The following ST3GAL3 variants were observed in gnomAD, a reference collection of about 807,000 sequenced individuals.
The protein encoded by ST3GAL3 is CMP-N-acetylneuraminate-beta-1,4-galactoside alpha-2,3-sialyltransferase.
In ST3GAL3, 21 loss-of-function variants were observed where a neutral mutation model predicts 50.1. The observed-to-expected ratio is 0.42, with a 90% CI of 0.30 to 0.60. ST3GAL3 has a LOEUF of 0.60. Among genes scored for constraint, ST3GAL3 ranks in the 20% least tolerant of loss-of-function variants. The pLI is 0.19. For missense variants in ST3GAL3, 353 were observed against 489.4 expected, an observed-to-expected ratio of 0.72 and a Z score of 2.63; for synonymous variants, 183 against 190.0, an observed-to-expected ratio of 0.96 and a Z score of 0.30.
At chr1:43,832,915 T>A (rs1020297246) in intron 4 of ST3GAL3, among the ~76,000 whole-genome samples, 1 of 152,180 alleles carries the variant, frequency 6.6e-6, no homozygotes, top group Admixed American at 6.5e-5. Context: ...GAGAGGCTCA[T>A]CTGCACGCTC....
Position 43,794,353 on chromosome 1 carries a change from C to T in ST3GAL3, c.166+2204C>T, listed in dbSNP as rs147349268. On this transcript the variant is annotated intron_variant, in intron 3 of 11. Coordinates refer to ENST00000347631, the MANE Select transcript of ST3GAL3 (RefSeq NM_006279.5). ...ACTCAGCAAAATGCAAATTAGAATC[C>T]CAATGAGATATCAATACACATCTAC... Among the ~76,000 whole-genome samples the T allele has an allele frequency of 1.2e-4, 18 of 152,170 alleles. No homozygotes were observed. The East Asian group carries it at 3.5e-3, about 29-fold the overall frequency.
intron 5 of ST3GAL3, chr1:43,839,770 A>G (rs2065044340): frequency 6.6e-6 from 1 of 152,230 alleles, no homozygotes; most frequent in East Asian, 1.9e-4. Context: ...ACTTCTAGGA[A>G]GGCCTCAGGA....
intron 2 of ST3GAL3, among the ~76,000 whole-genome samples, chr1:43,754,483 C>T (rs1180457877): frequency 1.3e-5 from 2 of 152,134 alleles, no homozygotes; most frequent in South Asian, 2.1e-4. Context: ...TGAGCCACCA[C>T]GCCAGCATCA....
chr1:43,733,038 G>A (rs905992282), intron 1 of ST3GAL3, among the ~76,000 whole-genome samples: 2 of 150,638 alleles, frequency 1.3e-5, no homozygotes, highest in African/African-American at 4.9e-5. Context: ...ATGTGCAGTA[G>A]CATGATCATA....
chr1:43,850,812 G>A (rs1054754824), intron 5 of ST3GAL3: 1 of 1,023,544 alleles, frequency 9.8e-7, no homozygotes, highest in Admixed American at 1.7e-5. Context: ...CAGGGCCACA[G>A]CAACCCCAGC....
chr1:43,761,269 A>G (rs1207817135), intron 2 of ST3GAL3, among the ~76,000 whole-genome samples: 1 of 151,678 alleles, frequency 6.6e-6, no homozygotes, highest in Non-Finnish European at 1.5e-5. Context: ...TTATTTGGCT[A>G]TATATTTCCT....
Position 43,853,684 on chromosome 1 carries a change from G to A in ST3GAL3, c.302+15373G>A, listed in dbSNP as rs541279437. 2.6e-4 allele frequency among the ~76,000 whole-genome samples: 40 copies of A among 152,312 alleles called. 2 individuals are homozygous for A. The South Asian group carries it at 7.9e-3, about 30-fold the overall frequency. On this transcript the variant is annotated intron_variant, in intron 5 of 11. Transcript: ENST00000347631. ...AGGAAAACCACACCTCTCTTGAGAT[G>A]CATTTTGTTTTAGGAAGGCTGGGGT...
In ST3GAL3 at chr1:43,866,955, C is replaced by A. The variant is rs550254672; in HGVS notation, c.303-27428C>A. On this transcript the variant is annotated intron_variant, in intron 5 of 11. Coordinates refer to ENST00000347631, the MANE Select transcript of ST3GAL3 (RefSeq NM_006279.5). ...GACCAGCCTGGCCAAGATGGTGAAA[C>A]CCCGTCTCTACTAAAAATACAAAAA... Among the ~76,000 whole-genome samples the A allele has an allele frequency of 2.6e-4, 40 of 152,262 alleles. 1 individual carries two copies. In the East Asian group the frequency reaches 7.3e-3, roughly 28 times the overall value.
chr1:43,724,972 A>G (rs1210195001), intron 1 of ST3GAL3, among the ~76,000 whole-genome samples: 1 of 152,178 alleles, frequency 6.6e-6, no homozygotes, highest in Non-Finnish European at 1.5e-5. Flanking sequence ...GAGAGAAGTC[A>G]GAAGTCCTCT....
At chr1:43,766,897 T>C (rs1693257710) in intron 2 of ST3GAL3, among the ~76,000 whole-genome samples, 1 of 152,064 alleles carries the variant, frequency 6.6e-6, no homozygotes, top group South Asian at 2.1e-4. Context: ...ACTTGAAAGA[T>C]GAATGAATAA....
chr1:43,720,249 T>C (rs1284461494), intron 1 of ST3GAL3, among the ~76,000 whole-genome samples: 1 of 151,842 alleles, frequency 6.6e-6, no homozygotes, highest in African/African-American at 2.4e-5. Context: ...AAAGAATAAG[T>C]GTTAGAGCTG....
chr1:43,899,228 G>A lies in ST3GAL3; in HGVS notation c.522G>A (p.Leu174=). Residue 174 remains leucine (L), a synonymous_variant, in exon 8 of 12, where the codon CTG becomes CTA. Transcript: ENST00000347631. This position sits in a 1 kb window ranked among gnomAD's most constrained non-coding sequence, Gnocchi z 5.4. ...GAGGCGTTCTTGCCAACAAGTCTCT[G>A]GGGTCACGAATTGACGACTATGACA... is the stretch of plus-strand genomic sequence containing the variant. ...GNGGVLANKS[L]GSRIDDYDIV... 1 of 1,614,206 alleles carries A rather than the reference G, an allele frequency of 6.2e-7. No homozygotes were observed. Among genetic ancestry groups the A allele is most frequent in the South Asian group, 1.1e-5 (1 of 91,080 alleles).
intron 5 of ST3GAL3, chr1:43,838,569 C>A: frequency 2.3e-6 from 1 of 436,360 alleles, no homozygotes; most frequent in Non-Finnish European, 4.3e-6. Flanking sequence ...ATGGTTGCCG[C>A]ATGCAAGCCA....
chr1:43,775,002 C>G (rs1696644480), intron 2 of ST3GAL3, among the ~76,000 whole-genome samples: 2 of 152,110 alleles, frequency 1.3e-5, no homozygotes, highest in Non-Finnish European at 2.9e-5. Context: ...GAGTCTAGCT[C>G]TGAAGATGCT....
At chr1:43,766,205 T>C (rs1195864970) in intron 2 of ST3GAL3, among the ~76,000 whole-genome samples, 1 of 152,136 alleles carries the variant, frequency 6.6e-6, no homozygotes, top group Non-Finnish European at 1.5e-5. Context: ...GAGATATCAA[T>C]GACTTCTTCT....
At chr1:43,816,608 A>G (rs368749776) in intron 4 of ST3GAL3, among the ~76,000 whole-genome samples, 1 of 152,226 alleles carries the variant, frequency 6.6e-6, no homozygotes, top group Non-Finnish European at 1.5e-5. Flanking sequence ...AACAAAAGGC[A>G]TGTTCTCTAG....
At chr1:43,789,582 T>A (rs2154150402) in intron 2 of ST3GAL3, among the ~76,000 whole-genome samples, 1 of 152,102 alleles carries the variant, frequency 6.6e-6, no homozygotes, top group African/African-American at 2.4e-5. Context: ...GATAAAGAAG[T>A]AGAATTGGCC....
chr1:43,928,830 A>G (rs1482088501), intron 11 of ST3GAL3, among the ~76,000 whole-genome samples: 1 of 151,940 alleles, frequency 6.6e-6, no homozygotes, highest in African/African-American at 2.4e-5. Flanking sequence ...AATCGCTTGA[A>G]CCTGGGAGGC....
At chr1:43,881,638 C>G (rs900438394) in intron 5 of ST3GAL3, among the ~76,000 whole-genome samples, 1 of 152,214 alleles carries the variant, frequency 6.6e-6, no homozygotes, top group African/African-American at 2.4e-5. Context: ...CCTTGAGGGC[C>G]TCTGGCTCAG....
Sources: allele counts gnomAD v4.1 joint callset (sites outside exome capture counted in the v4.1 genomes callset), GRCh38; gene constraint gnomAD v4.1.1; non-coding constraint Gnocchi (gnomAD v3.1); transcripts MANE v1.5; gene names NCBI Gene and HGNC (gene_info 2026-07-23, HGNC 2026-07-21).